The following MGMT variants were observed in gnomAD, a reference collection of about 807,000 sequenced individuals.
MGMT encodes methylated-DNA--protein-cysteine methyltransferase.
A neutral mutation model predicts 15.9 loss-of-function variants in MGMT; 14 were observed. That is an observed-to-expected ratio of 0.88 (90% CI 0.58 to 1.37). The LOEUF is 1.37. Ranked by LOEUF, MGMT falls within the 40% of genes most tolerant of loss-of-function variation. The pLI is 0.00. For missense variants in MGMT, 282 were observed against 268.1 expected (o/e 1.05, Z -0.36); for synonymous variants, 130 against 118.2 (o/e 1.10, Z -0.65).
chr10:129,727,329 G>A (rs1256936514), intron 3 of MGMT, among the ~76,000 whole-genome samples: 2 of 152,236 alleles, frequency 1.3e-5, no homozygotes, highest in Non-Finnish European at 1.5e-5. Context: ...GGCAGCCCCA[G>A]GAGAGGCCCA....
intron 1 of MGMT, among the ~76,000 whole-genome samples, chr10:129,501,869 G>A (rs992018723): frequency 1.4e-4 from 20 of 143,576 alleles, no homozygotes; most frequent in African/African-American, 3.7e-4. Flanking sequence ...GGACTGCCCC[G>A]TTCCACTCCT....
rs535705186 is a variant in MGMT at position 129,626,379 on chromosome 10, G to GTGAAGC, written c.126-81515_126-81510dup. Among the ~76,000 whole-genome samples, 396 of 150,224 alleles carry GTGAAGC rather than the reference G, an allele frequency of 2.6e-3. 2 individuals carry two copies. The highest frequency in any genetic ancestry group is 9.1e-3 in the African/African-American group (376 of 41,166). On this transcript the variant is annotated intron_variant, in intron 2 of 4. Transcript: ENST00000651593. ...AACACCACCCGTGTGAACAGCATTG[G>GTGAAGC]TGAAGCCTGGGGAGTTCTTTTTGAG... is the stretch of plus-strand genomic sequence containing the variant.
At chr10:129,531,769 C>T (rs1236575221) in intron 1 of MGMT, among the ~76,000 whole-genome samples, 2 of 2,150 alleles carry the variant, frequency 9.3e-4, no homozygotes, top group Admixed American at 7.4e-3. Flanking sequence ...TTGCTCTTAG[C>T]GGGGGCTGGT....
At chr10:129,712,322 A>G (rs998572241) in intron 3 of MGMT, among the ~76,000 whole-genome samples, 14 of 152,220 alleles carry the variant, frequency 9.2e-5, no homozygotes, top group Middle Eastern at 3.2e-3. Context: ...TTTTCTTTGT[A>G]AAGTGACTGC....
At chr10:129,737,986 A>T (rs1848584433) in intron 3 of MGMT, among the ~76,000 whole-genome samples, 1 of 152,204 alleles carries the variant, frequency 6.6e-6, no homozygotes, top group Non-Finnish European at 1.5e-5. Flanking sequence ...TTAAGTCTGC[A>T]GAGGTTACTG....
chr10:129,530,817 C>A (rs1425710014), intron 1 of MGMT, among the ~76,000 whole-genome samples: 2 of 152,240 alleles, frequency 1.3e-5, no homozygotes, highest in African/African-American at 2.4e-5. Flanking sequence ...GCTCTCGTGG[C>A]GGGTGCCTTC....
chr10:129,467,486 G>C (rs1457307191), intron 1 of MGMT, 190 bp downstream of exon 1: 2 of 953,400 alleles, frequency 2.1e-6, no homozygotes, highest in African/African-American at 3.5e-5. Context: ...CTTTCCCCGG[G>C]CCTGGGGTTC....
chr10:129,630,482 C>A (rs1423571706), intron 2 of MGMT, among the ~76,000 whole-genome samples: 2 of 152,172 alleles, frequency 1.3e-5, no homozygotes, highest in African/African-American at 4.8e-5. Flanking sequence ...CTACCTTTCT[C>A]CTCTGCTTTT....
chr10:129,631,214 G>A (rs1446158843), intron 2 of MGMT, among the ~76,000 whole-genome samples: 1 of 151,720 alleles, frequency 6.6e-6, no homozygotes, highest in Non-Finnish European at 1.5e-5. Flanking sequence ...ACTCAGCTGT[G>A]ACAACGTAGC....
chr10:129,579,739 T>G (rs984346885), intron 2 of MGMT, among the ~76,000 whole-genome samples: 5 of 152,256 alleles, frequency 3.3e-5, no homozygotes. Flanking sequence ...CCTCTGGCAG[T>G]GCAGTAGGTC....
At chr10:129,725,171 C>T (rs1220967922) in intron 3 of MGMT, among the ~76,000 whole-genome samples, 1 of 152,220 alleles carries the variant, frequency 6.6e-6, no homozygotes, top group African/African-American at 2.4e-5. Flanking sequence ...CGCCTTGCAG[C>T]CTTGCACTCA....
intron 2 of MGMT, among the ~76,000 whole-genome samples, chr10:129,614,568 G>A (rs1013379364): frequency 7.2e-5 from 11 of 152,196 alleles, no homozygotes; most frequent in Admixed American, 5.9e-4. Context: ...TTTGGCAGCC[G>A]TTTCAAGCTG....
At chr10:129,636,669 T>C (rs1347978381) in intron 2 of MGMT, among the ~76,000 whole-genome samples, 1 of 152,238 alleles carries the variant, frequency 6.6e-6, no homozygotes, top group African/African-American at 2.4e-5. Flanking sequence ...ATAGATTGTT[T>C]TGTGGATACC....
intron 3 of MGMT, among the ~76,000 whole-genome samples, chr10:129,716,875 A>T (rs1478392044): frequency 1.3e-5 from 2 of 152,252 alleles, no homozygotes; most frequent in Non-Finnish European, 2.9e-5. Context: ...TTAAAAGAAG[A>T]TAACAAAATG....
At chr10:129,648,936 C>G (rs1418938825) in intron 2 of MGMT, among the ~76,000 whole-genome samples, 2 of 152,222 alleles carry the variant, frequency 1.3e-5, no homozygotes, top group South Asian at 2.1e-4. Flanking sequence ...TTAAAAGCAT[C>G]TGTGGTCTGG....
At chr10:129,707,688 G>T (rs1848180758) in intron 2 of MGMT, among the ~76,000 whole-genome samples, 1 of 152,156 alleles carries the variant, frequency 6.6e-6, no homozygotes, top group Non-Finnish European at 1.5e-5. Context: ...CACACGTCCT[G>T]GGAGGCCTGA....
intron 2 of MGMT, among the ~76,000 whole-genome samples, chr10:129,616,473 C>G (rs1847028100): frequency 6.6e-6 from 1 of 152,122 alleles, no homozygotes; most frequent in Admixed American, 6.5e-5. Flanking sequence ...GTGCCAGGGC[C>G]TGCAAATTCC....
intron 2 of MGMT, among the ~76,000 whole-genome samples, chr10:129,629,601 G>A (rs1276607557): frequency 2.0e-5 from 3 of 152,182 alleles, no homozygotes; most frequent in Non-Finnish European, 4.4e-5. Flanking sequence ...CGGCACCTTC[G>A]CGTTGATCAT....
intron 3 of MGMT, among the ~76,000 whole-genome samples, chr10:129,751,554 G>C (rs904851812): frequency 1.4e-5 from 2 of 142,244 alleles, no homozygotes; most frequent in Non-Finnish European, 3.0e-5. Context: ...CTTTCTGGTT[G>C]TTTTGAGTTT....
Sources: allele counts gnomAD v4.1 joint callset (sites outside exome capture counted in the v4.1 genomes callset), GRCh38; gene constraint gnomAD v4.1.1; transcripts MANE v1.5; gene names NCBI Gene and HGNC (gene_info 2026-07-23, HGNC 2026-07-21).